The following PEX13 variants were observed in gnomAD, a reference collection of about 807,000 sequenced individuals.
PEX13 encodes peroxisomal biogenesis factor 13.
A neutral mutation model predicts 34.5 loss-of-function variants in PEX13; 28 were observed. That is an observed-to-expected ratio of 0.81 (90% CI 0.60 to 1.11). The LOEUF (loss-of-function observed/expected upper bound fraction) is 1.11. PEX13 is among the 50% of genes most tolerant of loss of function. The pLI is 0.00. For synonymous variants in PEX13, 177 were observed against 175.1 expected (o/e 1.01, Z -0.09); for missense variants, 550 against 491.0 (o/e 1.12, Z -1.13).
chr2:61,045,957 G>C, intron 3 of PEX13, 106 bp downstream of exon 3: 1 of 991,604 alleles, frequency 1.0e-6, no homozygotes, highest in Non-Finnish European at 1.6e-6. Context: ...TTAACTTAGA[G>C]ATAGTTACTA....
At position 61,049,486 on chromosome 2, in the gene PEX13, T is replaced by G. The variant is rs1573562506; in HGVS notation, c.*716T>G. The G allele has an allele frequency of 6.6e-6, 1 of 152,462 alleles. No homozygotes were observed. The highest frequency in any genetic ancestry group is 1.5e-5 in the Non-Finnish European group (1 of 68,052). 9.4% of individuals were successfully genotyped at this position (152,462 alleles called of 1,614,324 possible). On this transcript the variant is annotated 3_prime_UTR_variant, in exon 4 of 4. Transcript: ENST00000295030. ...TCTAAGGATCCCTTAATTATTTATC[T>G]CTTTAAGCCAGGCATGGTGGCTCAC...
chr2:61,017,970 C>T (rs1680126006), intron 1 of PEX13, 119 bp downstream of exon 1: 3 of 1,333,514 alleles, frequency 2.2e-6, no homozygotes, highest in East Asian at 5.0e-5. Flanking sequence ...AATACCCAAC[C>T]TTGGGGATAG....
chr2:61,039,776 A>C (rs912048509), intron 2 of PEX13, among the ~76,000 whole-genome samples: 5 of 152,342 alleles, frequency 3.3e-5, no homozygotes, highest in African/African-American at 1.2e-4. Context: ...TCTGCACAGC[A>C]AAAGAACCTA....
At chr2:61,034,736 G>A (rs1391866883) in intron 2 of PEX13, among the ~76,000 whole-genome samples, 2 of 152,210 alleles carry the variant, frequency 1.3e-5, no homozygotes, top group Non-Finnish European at 2.9e-5. Context: ...AACCAGCAAC[G>A]CTGCAGCTTG....
intron 2 of PEX13, among the ~76,000 whole-genome samples, chr2:61,042,358 T>A (rs1336474208): frequency 6.6e-6 from 1 of 152,196 alleles, no homozygotes; most frequent in Non-Finnish European, 1.5e-5. Context: ...GATAGCATGA[T>A]GAGTAATATA....
At chr2:61,030,187 A>C (rs1309755462) in intron 1 of PEX13, among the ~76,000 whole-genome samples, 1 of 152,212 alleles carries the variant, frequency 6.6e-6, no homozygotes, top group Non-Finnish European at 1.5e-5. Flanking sequence ...GTATGAGTCC[A>C]TTTACCATAG....
At chr2:61,037,156 C>T (rs756861674) in intron 2 of PEX13, among the ~76,000 whole-genome samples, 1 of 152,178 alleles carries the variant, frequency 6.6e-6, no homozygotes, top group Non-Finnish European at 1.5e-5. Flanking sequence ...GAGACTTAGA[C>T]TCGCACACAA....
At chr2:61,041,117 C>T (rs914882197) in intron 2 of PEX13, among the ~76,000 whole-genome samples, 1 of 152,012 alleles carries the variant, frequency 6.6e-6, no homozygotes, top group Non-Finnish European at 1.5e-5. Flanking sequence ...TCGCTTGAGC[C>T]CAGAAGTTTA....
chr2:61,035,595 T>C (rs534890500), intron 2 of PEX13, among the ~76,000 whole-genome samples: 2 of 152,280 alleles, frequency 1.3e-5, no homozygotes, highest in South Asian at 2.1e-4. Context: ...GATGAATGGC[T>C]AACTAGAATA....
At chr2:61,021,579 C>T (rs1052072107) in intron 1 of PEX13, among the ~76,000 whole-genome samples, 11 of 152,248 alleles carry the variant, frequency 7.2e-5, no homozygotes, top group Non-Finnish European at 1.3e-4. Context: ...TAGACTTCAG[C>T]TCTGTGGGCA....
intron 1 of PEX13, among the ~76,000 whole-genome samples, chr2:61,024,831 A>C (rs560437718): frequency 3.8e-4 from 58 of 152,250 alleles, no homozygotes; most frequent in African/African-American, 1.3e-3. Context: ...AAAACAAAAA[A>C]AACAGTCATT....
At chr2:61,026,296 C>T (rs548790441) in intron 1 of PEX13, among the ~76,000 whole-genome samples, 2 of 151,414 alleles carry the variant, frequency 1.3e-5, no homozygotes, top group African/African-American at 2.4e-5. Flanking sequence ...TCTTCTTGAC[C>T]GGTAGTTGAA....
At chr2:61,030,387 T>G (rs1170982450) in intron 1 of PEX13, among the ~76,000 whole-genome samples, 1 of 152,132 alleles carries the variant, frequency 6.6e-6, no homozygotes, top group Non-Finnish European at 1.5e-5. Context: ...ACACTCTGGT[T>G]TCTTATTTCA....
intron 1 of PEX13, among the ~76,000 whole-genome samples, chr2:61,021,987 A>G (rs1277446201): frequency 2.0e-5 from 3 of 152,240 alleles, no homozygotes; most frequent in Non-Finnish European, 4.4e-5. Context: ...TTCAACATCA[A>G]CAAAAAGGAC....
rs138030119 is a variant in PEX13, at chr2:61,031,648, C to T, written c.322C>T (p.Leu108Phe). 3.1e-6 allele frequency: 5 copies of T among 1,614,132 alleles called. No homozygotes were observed. The highest frequency in any genetic ancestry group is 4.5e-5 in the East Asian group (2 of 44,882). Reference sequence around the variant, plus strand: ...ATATAATGGGCTGGGCTACAACCGCCTCCGTGTAGATGATCTTCCACCCAG... The same window carrying T: ...ATATAATGGGCTGGGCTACAACCGCTTCCGTGTAGATGATCTTCCACCCAG... ...YGYNGLGYNR[L>F]RVDDLPPSRF... is the part of the protein sequence containing the mutation. Residue 108 changes from leucine (L) to phenylalanine (F), a missense_variant, in exon 2 of 4, where the codon CTC becomes TTC. Transcript: ENST00000295030.
chr2:61,018,000 G>T, intron 1 of PEX13, 149 bp downstream of exon 1: 1 of 1,330,428 alleles, frequency 7.5e-7, no homozygotes, highest in Non-Finnish European at 1.0e-6. Flanking sequence ...TGGAGCTGGG[G>T]CGCTTACCAG....
At position 61,035,341 on chromosome 2, in the gene PEX13, G is replaced by A. The variant is rs572968944; in HGVS notation, c.787+3228G>A. Among the ~76,000 whole-genome samples the A allele has an allele frequency of 4.6e-5, 7 of 152,232 alleles. No homozygotes were observed. The East Asian group carries it at 1.2e-3, about 25-fold the overall frequency. ...TAGGTTGCCAACATCAAAGACCAAAGGTAGATAAAACTACAAAGATGGGGA... is the reference window on the plus strand; with the variant it reads ...TAGGTTGCCAACATCAAAGACCAAAAGTAGATAAAACTACAAAGATGGGGA... On this transcript the variant is annotated intron_variant, in intron 2 of 3. Transcript: ENST00000295030.
chr2:61,018,483 TGG>T (rs1404393151), intron 1 of PEX13: 1 of 645,096 alleles, frequency 1.6e-6, no homozygotes, highest in Non-Finnish European at 2.4e-6. Context: ...TTTTTTTGTT[TGG>T]TTTTTAATCA....
chr2:61,018,017 CT>C, intron 1 of PEX13, 166 bp downstream of exon 1: 1 of 1,384,930 alleles, frequency 7.2e-7, no homozygotes, highest in Non-Finnish European at 9.7e-7. Context: ...CCAGTGGGGA[CT>C]TTAGTGTCTC....
Sources: allele counts gnomAD v4.1 joint callset (sites outside exome capture counted in the v4.1 genomes callset), GRCh38; gene constraint gnomAD v4.1.1; transcripts MANE v1.5; gene names NCBI Gene and HGNC (gene_info 2026-07-23, HGNC 2026-07-21).